The following DOCK4 variants were observed in gnomAD, a reference collection of about 807,000 sequenced individuals.
DOCK4 encodes dedicator of cytokinesis 4, also known as dedicator of cytokinesis protein 4.
In DOCK4, 97 loss-of-function variants were observed where a neutral mutation model predicts 268.1. The observed-to-expected ratio is 0.36, with a 90% CI of 0.31 to 0.43. The LOEUF (loss-of-function observed/expected upper bound fraction) is 0.43, where lower values mean the gene tolerates loss of function less well. Among genes scored for constraint, DOCK4 ranks in the 20% least tolerant of loss-of-function variants. The pLI, the probability that DOCK4 is intolerant of heterozygous loss-of-function variation, is 1.00. For synonymous variants in DOCK4, 954 were observed against 887.2 expected (o/e 1.08, Z -1.34); for missense variants, 2,145 against 2,455.7 (o/e 0.87, Z 2.67).
intron 35 of DOCK4, 91 bp downstream of exon 35, chr7:111,782,773 T>C: frequency 5.5e-6 from 7 of 1,271,242 alleles, no homozygotes; most frequent in South Asian, 1.2e-5. Flanking sequence ...AAACATCACA[T>C]TGCAGATTAA....
Position 111,989,127 on chromosome 7 carries a change from T to C in DOCK4, c.352A>G (p.Ile118Val). Reference sequence around the variant, plus strand: ...CTCAGGTCCAGGATTTCATTCATGATGTGCCACAGCCGGTGGAAGAGATCG... The same window carrying C: ...CTCAGGTCCAGGATTTCATTCATGACGTGCCACAGCCGGTGGAAGAGATCG... ...EGDLFHRLWHIMNEILDLRRQ... is the reference protein window; with the variant it reads ...EGDLFHRLWHVMNEILDLRRQ... Residue 118 changes from isoleucine to valine, a missense_variant, in exon 6 of 53, where the codon ATC becomes GTC. By Grantham distance (29) the Ile-to-Val change is conservative. This residue lies in a region of DOCK4 where 1,598 missense variants were observed against 1,986.7 expected (regional missense o/e 0.80). Transcript: ENST00000428084. 2 of 1,614,008 alleles carry C rather than the reference T, an allele frequency of 1.2e-6. No individual in the cohort carries two copies. Among genetic ancestry groups the C allele is most frequent in the Non-Finnish European group, 8.5e-7 (1 of 1,179,880 alleles).
At chr7:111,733,233 C>T (rs1795229836) in intron 51 of DOCK4, among the ~76,000 whole-genome samples, 1 of 152,176 alleles carries the variant, frequency 6.6e-6, no homozygotes, top group Non-Finnish European at 1.5e-5. Context: ...CAGAGCCCCA[C>T]AACAGTGACC....
intron 10 of DOCK4, among the ~76,000 whole-genome samples, chr7:111,942,822 C>G (rs897585782): frequency 6.6e-5 from 10 of 152,218 alleles, no homozygotes; most frequent in African/African-American, 2.2e-4. Context: ...CTACCTGCGT[C>G]AGGAATAAGA....
Position 111,933,299 on chromosome 7 carries a change from T to TATATA in DOCK4, c.1066+2240_1066+2241insTATAT, listed in dbSNP as rs1491402521. Among the ~76,000 whole-genome samples the TATATA allele has an allele frequency of 3.9e-3, 278 of 71,086 alleles. 12 individuals are homozygous for TATATA. Among genetic ancestry groups the TATATA allele is most frequent in the African/African-American group, 0.016 (246 of 14,914 alleles). The allele number at this position is 71,086 out of a possible 152,430, so 46.6% of individuals were successfully genotyped here. A position where few individuals can be genotyped will look rare whatever the true frequency, so the allele number is the denominator to read the frequency against. On this transcript the variant is annotated intron_variant, in intron 12 of 52. Coordinates refer to ENST00000428084, the MANE Select transcript of DOCK4 (RefSeq NM_001363540.2). ...ATATACATATATATATATATATATA[T>TATATA]TTTTTTTTTTTTTTGAGATGGAGTC... is the stretch of plus-strand genomic sequence containing the variant.
chr7:112,194,484 C>A (rs1297812964), intron 1 of DOCK4, among the ~76,000 whole-genome samples: 1 of 152,194 alleles, frequency 6.6e-6, no homozygotes. Flanking sequence ...ACATCACAGG[C>A]AGTCAAACTC....
At chr7:111,840,764 G>T (rs563052961) in intron 25 of DOCK4, 1 of 1,288,894 alleles carries the variant, frequency 7.8e-7, no homozygotes, top group Non-Finnish European at 1.0e-6. Context: ...TTTACTCACA[G>T]TGTGTCTACT....
intron 23 of DOCK4, among the ~76,000 whole-genome samples, chr7:111,854,831 C>G (rs2134138012): frequency 6.6e-6 from 1 of 152,326 alleles, no homozygotes; most frequent in South Asian, 2.1e-4. Flanking sequence ...AATAAAGTCC[C>G]TGGCCTCTGG....
rs76109595 is a variant in DOCK4 at position 112,153,089 on chromosome 7, A to G, written c.37+53013T>C. On this transcript the variant is annotated intron_variant, in intron 1 of 52. Coordinates refer to ENST00000428084, the MANE Select transcript of DOCK4 (RefSeq NM_001363540.2). ...TATTATATCATAGTCTTATATCTCAATATTATTTTACAATAAATTATATTT... is the reference window on the plus strand; with the variant it reads ...TATTATATCATAGTCTTATATCTCAGTATTATTTTACAATAAATTATATTT... 8.6e-3 allele frequency among the ~76,000 whole-genome samples: 1,314 copies of G among 152,308 alleles called. 16 individuals are homozygous for G. Among genetic ancestry groups the G allele is most frequent in the African/African-American group, 0.03 (1,253 of 41,574 alleles).
At chr7:112,038,241 A>G (rs1586695842) in intron 1 of DOCK4, among the ~76,000 whole-genome samples, 1 of 152,196 alleles carries the variant, frequency 6.6e-6, no homozygotes, top group Non-Finnish European at 1.5e-5. Context: ...CTTGGATTTT[A>G]TAAAATGAGT....
intron 32 of DOCK4, among the ~76,000 whole-genome samples, chr7:111,787,416 T>A (rs1799245507): frequency 6.6e-6 from 1 of 152,126 alleles, no homozygotes; most frequent in South Asian, 2.1e-4. Context: ...GAGGTCTTGG[T>A]GAATAATTAT....
intron 25 of DOCK4, among the ~76,000 whole-genome samples, chr7:111,835,975 C>T (rs992521402): frequency 5.9e-5 from 9 of 152,064 alleles, no homozygotes; most frequent in African/African-American, 2.2e-4. Flanking sequence ...AAGAAACTAA[C>T]CAGTGTGGGC....
chr7:111,977,174 A>G lies in DOCK4; in HGVS notation c.659T>C (p.Val220Ala). ...TTTACTGTCAAAGAGTGAGAAGATG[A>G]CCTCCAGCTCCTCTCCCAGGTTGGA... is the stretch of plus-strand genomic sequence containing the variant. ...MCSNLGEELE[V>A]IFSLFDSKEN... The change falls in exon 8 of 53, where the codon GTC becomes GCC. Residue 220 changes from valine (V) to alanine (A), a missense_variant. By Grantham distance (64) the Val-to-Ala change is moderately conservative. This residue lies in a region of DOCK4 where 1,598 missense variants were observed against 1,986.7 expected (regional missense o/e 0.80). Coordinates refer to ENST00000428084, the MANE Select transcript of DOCK4 (RefSeq NM_001363540.2). 6.2e-7 allele frequency: 1 copy of G among 1,612,812 alleles called. No individual in the cohort carries two copies. The highest frequency in any genetic ancestry group is 8.5e-7 in the Non-Finnish European group (1 of 1,179,552).
intron 32 of DOCK4, 41 bp downstream of exon 32, chr7:111,788,621 C>T (rs1799330896): frequency 6.6e-7 from 1 of 1,516,676 alleles, no homozygotes; most frequent in Non-Finnish European, 9.0e-7. Context: ...GACACCAAAT[C>T]CCCCAGAATG....
chr7:111,728,367 C>T lies in DOCK4; in HGVS notation c.5835G>A (p.Leu1945=), dbSNP rs756732681. Residue 1945 remains leucine, a synonymous_variant, in exon 53 of 53, where the codon CTG becomes CTA. Transcript: ENST00000428084. ...TCTCCAGGTGGCTGGATCGCGCTGC[C>T]AGAGGCTTGGGGGGCAGCGCGGGCG... ...SEPPALPPKP[L]AARSSHLENG... is the part of the protein sequence containing the mutation. The T allele has an allele frequency of 3.1e-5, 48 of 1,529,026 alleles. No homozygotes were observed. In the East Asian group the frequency reaches 3.6e-4, roughly 12 times the overall value. 94.7% of individuals were successfully genotyped at this position (1,529,026 alleles called of 1,614,324 possible).
intron 1 of DOCK4, among the ~76,000 whole-genome samples, chr7:112,194,875 T>TG (rs1820278118): frequency 6.6e-6 from 1 of 152,196 alleles, no homozygotes; most frequent in Non-Finnish European, 1.5e-5. Flanking sequence ...TTGCCTAACC[T>TG]GGGGCAAAGA....
rs1422962653 is a variant in DOCK4, at chr7:112,036,497, C to A, written c.38-32366G>T. On this transcript the variant is annotated intron_variant, in intron 1 of 52. Transcript: ENST00000428084. ...AATCTCTGGTTTCATAACAGGGAGA[C>A]AATATGTAATAACTAAAATGTCTAA... Among the ~76,000 whole-genome samples the A allele has an allele frequency of 2.6e-5, 4 of 151,970 alleles. No homozygotes were observed. In the East Asian group the frequency reaches 7.7e-4, roughly 29 times the overall value.
intron 1 of DOCK4, among the ~76,000 whole-genome samples, chr7:112,156,428 G>T (rs1258432873): frequency 6.6e-6 from 1 of 152,156 alleles, no homozygotes; most frequent in Non-Finnish European, 1.5e-5. Flanking sequence ...AAACTGTATG[G>T]AATTGAAGAA....
At chr7:112,036,959 C>T (rs1803852714) in intron 1 of DOCK4, among the ~76,000 whole-genome samples, 1 of 152,150 alleles carries the variant, frequency 6.6e-6, no homozygotes, top group South Asian at 2.1e-4. Context: ...CCGTGCCCTG[C>T]CTGACAGGAT....
intron 1 of DOCK4, among the ~76,000 whole-genome samples, chr7:112,118,310 G>C (rs1293654568): frequency 6.6e-6 from 1 of 151,924 alleles, no homozygotes; most frequent in African/African-American, 2.4e-5. Flanking sequence ...AGAATTTATA[G>C]GAATCACTAA....
Sources: allele counts gnomAD v4.1 joint callset (sites outside exome capture counted in the v4.1 genomes callset), GRCh38; gene constraint gnomAD v4.1.1; regional missense constraint gnomAD v4.1.1; transcripts MANE v1.5; gene names NCBI Gene and HGNC (gene_info 2026-07-23, HGNC 2026-07-21).